The following EPYC variants were observed in gnomAD, a reference collection of about 807,000 sequenced individuals.
EPYC encodes the protein dermatan sulfate proteoglycan 3.
A neutral mutation model predicts 30.1 loss-of-function variants in EPYC; 28 were observed. That is an observed-to-expected ratio of 0.93 (90% CI 0.69 to 1.28). The LOEUF is 1.28. EPYC is among the 50% of genes most tolerant of loss of function. The pLI, the probability that EPYC is intolerant of heterozygous loss-of-function variation, is 0.00. For missense variants in EPYC, 382 were observed against 383.5 expected (o/e 1.00, Z 0.03); for synonymous variants, 144 against 141.4 (o/e 1.02, Z -0.13).
In EPYC at chr12:90,990,232, T is replaced by C. The variant is rs950904360; in HGVS notation, c.166-11970A>G. On this transcript the variant is annotated intron_variant, in intron 2 of 6. Transcript: ENST00000261172. ...TCAGTGTAACACAAAGCAAATTGTT[T>C]CTTGTAACACAGCCTTTATTGAGGC... Among the ~76,000 whole-genome samples, 6 of 152,120 alleles carry C rather than the reference T, an allele frequency of 3.9e-5. No homozygotes were observed. The South Asian group carries it at 1.2e-3, about 31-fold the overall frequency.
chr12:90,997,659 T>A (rs1413233797), intron 2 of EPYC, among the ~76,000 whole-genome samples: 1 of 152,082 alleles, frequency 6.6e-6, no homozygotes, highest in Non-Finnish European at 1.5e-5. Flanking sequence ...TGGAAAAATG[T>A]TTTCCTAGAC....
intron 1 of EPYC, 72 bp downstream of exon 1, chr12:91,004,875 A>G (rs1457585302): frequency 6.6e-6 from 1 of 152,130 alleles, no homozygotes; most frequent in East Asian, 1.9e-4. Flanking sequence ...AGGCAAGTTA[A>G]ATTATTTTTT....
chr12:90,995,886 C>T (rs904581375), intron 2 of EPYC, among the ~76,000 whole-genome samples: 1 of 151,848 alleles, frequency 6.6e-6, no homozygotes, highest in Non-Finnish European at 1.5e-5. Flanking sequence ...TCTTTCCTCC[C>T]TTCCTGTAGA....
rs749039603 is a variant in EPYC, at chr12:90,978,136, G to A, written c.292C>T (p.Pro98Ser). 1.2e-6 allele frequency: 2 copies of A among 1,604,240 alleles called. No homozygotes were observed. Among genetic ancestry groups the A allele is most frequent in the Non-Finnish European group, 1.7e-6 (2 of 1,176,134 alleles). ...ACCCCTGTGAATTCAGGCTCCTGGG[G>A]AGAAGAGCCATCAATCAGCCTGGGA... Reference protein sequence around the residue: ...STPRLIDGSSPQEPEFTGVLG... With the variant: ...STPRLIDGSSSQEPEFTGVLG... The change falls in exon 3 of 7, where the codon CCC becomes TCC. Residue 98 changes from proline (P) to serine (S), a missense_variant. Pro to Ser is a moderately conservative substitution (Grantham distance 74). Transcript: ENST00000261172.
rs1877096102 is a variant in EPYC, at chr12:90,973,102, C to T, written c.341-122G>A. On this transcript the variant is annotated intron_variant, in intron 3 of 6. Coordinates refer to ENST00000261172, the MANE Select transcript of EPYC (RefSeq NM_004950.5). ...TAACCAAGTAGATTTTATATTTTCT[C>T]GTAATGCTTTCTGTAAATAGAATAT... The T allele has an allele frequency of 3.1e-5, 16 of 513,026 alleles. No homozygotes were observed. The Admixed American group carries it at 3.3e-4, about 10-fold the overall frequency. The allele number at this position is 513,026 out of a possible 1,614,324, so 31.8% of individuals were successfully genotyped here. A position where few individuals can be genotyped will look rare whatever the true frequency, so the allele number is the denominator to read the frequency against.
chr12:90,980,667 A>C (rs1347621280), intron 2 of EPYC, among the ~76,000 whole-genome samples: 2 of 152,146 alleles, frequency 1.3e-5, no homozygotes, highest in African/African-American at 2.4e-5. Flanking sequence ...ACTAAATTTG[A>C]ACGTAAACAC....
intron 4 of EPYC, among the ~76,000 whole-genome samples, chr12:90,972,389 TTCTTC>T (rs1446174088): frequency 1.3e-5 from 2 of 152,206 alleles, no homozygotes; most frequent in Non-Finnish European, 2.9e-5. Flanking sequence ...CATACCAAAA[TTCTTC>T]TAAGTTGGCA....
intron 6 of EPYC, 36 bp from the exon 7 acceptor site, chr12:90,964,362 A>C (rs1172012295): frequency 1.3e-6 from 2 of 1,502,686 alleles, no homozygotes; most frequent in Middle Eastern, 1.8e-4. Context: ...ACAAGATATA[A>C]CACATTCTTA....
rs753870742 is a variant in EPYC at position 90,978,224 on chromosome 12, C to T, written c.204G>A (p.Glu68=). Residue 68 remains glutamate, a synonymous_variant, in exon 3 of 7, where the codon GAG becomes GAA. Coordinates refer to ENST00000261172, the MANE Select transcript of EPYC (RefSeq NM_004950.5). Reference sequence around the variant, plus strand: ...CAGGCTGTGGGGGTGGAGTGAGGAGCTCTCTGTTCCCTGAAGGCATCACTG... The same window carrying T: ...CAGGCTGTGGGGGTGGAGTGAGGAGTTCTCTGTTCCCTGAAGGCATCACTG... ...IATVMPSGNR[E]LLTPPPQPEK... is the part of the protein sequence containing the mutation. 6.3e-7 allele frequency: 1 copy of T among 1,598,320 alleles called. No homozygotes were observed.
chr12:90,999,100 A>G (rs1021232665), intron 2 of EPYC, among the ~76,000 whole-genome samples: 19 of 152,132 alleles, frequency 1.2e-4, no homozygotes, highest in African/African-American at 4.6e-4. Flanking sequence ...TCATGAGTTT[A>G]GGTCAGGCCC....
chr12:90,971,580 G>T (rs891309856), intron 5 of EPYC, among the ~76,000 whole-genome samples: 1 of 151,878 alleles, frequency 6.6e-6, no homozygotes, highest in African/African-American at 2.4e-5. Flanking sequence ...GCTGAGGCAG[G>T]AGGATCATCT....
At position 90,964,326 on chromosome 12, in the gene EPYC, T is replaced by C. The variant is rs746527233; in HGVS notation, c.799A>G (p.Asn267Asp). The C allele has an allele frequency of 3.8e-6, 6 of 1,598,466 alleles. No homozygotes were observed. In the East Asian group the frequency reaches 1.3e-4, roughly 36 times the overall value. The stretch of plus-strand genomic sequence containing the variant: ...TCGTGCATTTCCAGAATGTTGTTAT[T>C]CTAAAAAAGATGAAAATAAATTATG... ...PENLRALHLQ[N>D]NNILEMHEDT... is the part of the protein sequence containing the mutation. The change falls in exon 7 of 7, where the codon AAT (asparagine) becomes GAT (aspartate). Residue 267 changes from asparagine to aspartate, a missense_variant and splice_region_variant. Physicochemically the swap from Asn to Asp is conservative, Grantham distance 23. Transcript: ENST00000261172.
chr12:90,969,132 C>T (rs987710947), intron 6 of EPYC, among the ~76,000 whole-genome samples: 1 of 151,584 alleles, frequency 6.6e-6, no homozygotes, highest in Admixed American at 6.6e-5. Context: ...GGTAAATATT[C>T]ACAAAATCCA....
intron 1 of EPYC, among the ~76,000 whole-genome samples, chr12:91,004,695 T>C (rs1211633885): frequency 6.6e-6 from 1 of 152,120 alleles, no homozygotes; most frequent in Non-Finnish European, 1.5e-5. Context: ...TATTGGAAAC[T>C]ACTCTAATTT....
intron 2 of EPYC, among the ~76,000 whole-genome samples, chr12:90,993,416 T>G (rs906621024): frequency 2.0e-5 from 3 of 152,112 alleles, no homozygotes; most frequent in Non-Finnish European, 4.4e-5. Context: ...ATAGAACATT[T>G]TGAGCTCTAT....
chr12:90,983,298 C>T (rs1324758025), intron 2 of EPYC, among the ~76,000 whole-genome samples: 1 of 152,148 alleles, frequency 6.6e-6, no homozygotes. Context: ...ACTAACAGTT[C>T]TAATATCACC....
At chr12:90,993,210 C>T (rs1877626873) in intron 2 of EPYC, among the ~76,000 whole-genome samples, 1 of 152,114 alleles carries the variant, frequency 6.6e-6, no homozygotes. Context: ...CTATCAATTG[C>T]ATACATTTCA....
chr12:90,990,442 A>G (rs1027800997), intron 2 of EPYC, among the ~76,000 whole-genome samples: 1 of 152,196 alleles, frequency 6.6e-6, no homozygotes, highest in African/African-American at 2.4e-5. Context: ...TGCCTTTGAA[A>G]AGGATAATCA....
chr12:90,977,107 A>G (rs904146499), intron 3 of EPYC, among the ~76,000 whole-genome samples: 2 of 152,148 alleles, frequency 1.3e-5, no homozygotes, highest in African/African-American at 4.8e-5. Context: ...AGAAATATTC[A>G]TGAGAACGGT....
Sources: gnomAD v4.1 joint callset for allele counts (sites outside exome capture counted in the v4.1 genomes callset) on GRCh38, gnomAD v4.1.1 for gene constraint, MANE v1.5 for transcripts, NCBI Gene and HGNC (gene_info 2026-07-23, HGNC 2026-07-21) for gene names.